The following SVEP1 variants were observed in gnomAD, a reference collection of about 807,000 sequenced individuals.
SVEP1 encodes the protein sushi, von Willebrand factor type A, EGF and pentraxin domain-containing protein 1.
A neutral mutation model predicts 367.3 loss-of-function variants in SVEP1; 164 were observed. The observed-to-expected ratio is 0.45, with a 90% CI of 0.39 to 0.51. SVEP1 has a LOEUF of 0.51. Ranked by LOEUF, SVEP1 falls within the 20% of genes least tolerant of loss-of-function variation. The pLI, the probability that SVEP1 is intolerant of heterozygous loss-of-function variation, is 0.00. For missense variants in SVEP1, 4,117 were observed against 4,425.3 expected, an observed-to-expected ratio of 0.93 and a Z score of 1.98; for synonymous variants, 1,666 against 1,611.6, an observed-to-expected ratio of 1.03 and a Z score of -0.81.
At chr9:110,547,820 G>A (rs756162651) in intron 2 of SVEP1, among the ~76,000 whole-genome samples, 1 of 152,100 alleles carries the variant, frequency 6.6e-6, no homozygotes, top group Non-Finnish European at 1.5e-5. Flanking sequence ...CCTTTGATCT[G>A]ATCATGTCTT....
chr9:110,515,127 G>A (rs78909934), intron 3 of SVEP1, among the ~76,000 whole-genome samples: 1 of 152,046 alleles, frequency 6.6e-6, no homozygotes, highest in East Asian at 1.9e-4. Flanking sequence ...AATCCCTCTG[G>A]AGTTATGCAT....
At chr9:110,576,324 A>C (rs1830626798) in intron 1 of SVEP1, among the ~76,000 whole-genome samples, 1 of 152,104 alleles carries the variant, frequency 6.6e-6, no homozygotes, top group Non-Finnish European at 1.5e-5. Context: ...TATGTTCCTT[A>C]TTTTGGAAAG....
intron 43 of SVEP1, among the ~76,000 whole-genome samples, chr9:110,379,946 ATGCCTAGCATTTATTAG>A (rs1420281539): frequency 6.6e-6 from 1 of 152,214 alleles, no homozygotes; most frequent in Non-Finnish European, 1.5e-5. Context: ...TATTTTATTA[ATGCCTAGCATTTATTAG>A]TGCCTAGCAT....
intron 3 of SVEP1, 117 bp downstream of exon 3, chr9:110,545,998 C>T: frequency 1.6e-6 from 2 of 1,260,868 alleles, no homozygotes; most frequent in Non-Finnish European, 2.2e-6. Flanking sequence ...AAGAGATGTG[C>T]CACTGACCCC....
chr9:110,510,887 C>T (rs1437692444), intron 5 of SVEP1, among the ~76,000 whole-genome samples: 2 of 152,188 alleles, frequency 1.3e-5, no homozygotes, highest in Non-Finnish European at 2.9e-5. Context: ...TGGTATGTGG[C>T]TTTTTACCAC....
At chr9:110,511,235 G>A (rs1343821548) in intron 5 of SVEP1, among the ~76,000 whole-genome samples, 1 of 152,096 alleles carries the variant, frequency 6.6e-6, no homozygotes, top group Non-Finnish European at 1.5e-5. Flanking sequence ...CAAGATTTGG[G>A]TTGTGAGTAT....
At chr9:110,375,550 G>T in intron 45 of SVEP1, 87 bp from the exon 46 acceptor site, 1 of 1,240,984 alleles carries the variant, frequency 8.1e-7, no homozygotes, top group Non-Finnish European at 1.1e-6. Flanking sequence ...AGGTTCAAGG[G>T]TTCAGAAAAC....
intron 40 of SVEP1, among the ~76,000 whole-genome samples, chr9:110,392,881 C>A (rs115738887): frequency 6.6e-6 from 1 of 152,092 alleles, no homozygotes; most frequent in African/African-American, 2.4e-5. Context: ...TGAATACTTT[C>A]GATGTGTAGT....
intron 22 of SVEP1, among the ~76,000 whole-genome samples, chr9:110,451,628 C>T (rs113291676): frequency 0.028 from 4,301 of 152,202 alleles, 211 homozygotes; most frequent in African/African-American, 0.097. Context: ...ATGATAACCA[C>T]GAATATCTGA....
At chr9:110,541,864 C>T (rs963353059) in intron 3 of SVEP1, among the ~76,000 whole-genome samples, 1 of 137,212 alleles carries the variant, frequency 7.3e-6, no homozygotes, top group Admixed American at 7.4e-5. Flanking sequence ...TATCTATATA[C>T]ATAGATATCT....
At position 110,459,040 on chromosome 9, in the gene SVEP1, T is replaced by A; in HGVS notation, c.3396A>T (p.Gln1132His). 6.2e-7 allele frequency: 1 copy of A among 1,613,806 alleles called. No individual in the cohort carries two copies. The highest frequency in any genetic ancestry group is 8.5e-7 in the Non-Finnish European group (1 of 1,179,770). Residue 1132 changes from glutamine (Q) to histidine (H), a missense_variant, in exon 19 of 48, where the codon CAA becomes CAT. Physicochemically the swap from Gln to His is conservative, Grantham distance 24. Transcript: ENST00000374469. Reference protein sequence around the residue: ...PCHPCPRDYYQPNAGKAFCLA... With the variant: ...PCHPCPRDYYHPNAGKAFCLA... ...GGCAGAAGGCCTTCCCTGCATTAGG[T>A]TGGTAATAGTCACGAGGACATGGGT...
chr9:110,429,386 C>A, intron 34 of SVEP1, 52 bp from the exon 35 acceptor site: 2 of 1,305,718 alleles, frequency 1.5e-6, no homozygotes, highest in South Asian at 1.9e-5. Context: ...ATTTTGCATG[C>A]CGTTATCTGT....
Position 110,527,832 on chromosome 9 carries a change from G to GT in SVEP1, c.965-13727dup, listed in dbSNP as rs550367423. The stretch of plus-strand genomic sequence containing the variant: ...ACAATTATAAAAAACTACTAGGTAG[G>GT]TTTTTTTATCCCTCACTCCCCTCCC... On this transcript the variant is annotated intron_variant, in intron 3 of 47. Coordinates refer to ENST00000374469, the MANE Select transcript of SVEP1 (RefSeq NM_153366.4). Among the ~76,000 whole-genome samples, 276 of 151,400 alleles carry GT rather than the reference G, an allele frequency of 1.8e-3. 2 individuals are homozygous for GT. The highest frequency in any genetic ancestry group is 6.3e-3 in the African/African-American group (261 of 41,314).
At position 110,479,630 on chromosome 9, in the gene SVEP1, T is replaced by C. The variant is rs1286284942; in HGVS notation, c.2487+5A>G. ...ACACACAATAAATGACCACTATTGA[T>C]GTACCATTTTTCCCAGGGTCGTCTC... is the stretch of plus-strand genomic sequence containing the variant. On this transcript the variant is annotated splice_donor_5th_base_variant and intron_variant, in intron 13 of 47. Coordinates refer to ENST00000374469, the MANE Select transcript of SVEP1 (RefSeq NM_153366.4). The C allele has an allele frequency of 5.6e-6, 9 of 1,602,370 alleles. No homozygotes were observed. The highest frequency in any genetic ancestry group is 1.1e-5 in the South Asian group (1 of 88,566).
chr9:110,500,179 A>AT (rs940914804), intron 6 of SVEP1, among the ~76,000 whole-genome samples: 21 of 151,958 alleles, frequency 1.4e-4, no homozygotes, highest in Admixed American at 3.9e-4. Context: ...AGCAAAAGCC[A>AT]TTTTTTTTCC....
Position 110,403,296 on chromosome 9 carries a change from G to GTTTTTTTTTTTTTTTTTT in SVEP1, c.9666+1013_9666+1030dup. 1.3e-3 allele frequency among the ~76,000 whole-genome samples: 58 copies of GTTTTTTTTTTTTTTTTTT among 43,462 alleles called. 20 individuals carry two copies. The highest frequency in any genetic ancestry group is 4.8e-3 in the East Asian group (7 of 1,462). 28.5% of individuals were successfully genotyped at this position (43,462 alleles called of 152,430 possible). Reference sequence around the variant, plus strand: ...TGATGATTCCTTCCCCGCCACCGCCGTTTTTTTTTTTTTTTTTTTTTTTTT... The same window carrying GTTTTTTTTTTTTTTTTTT: ...TGATGATTCCTTCCCCGCCACCGCCGTTTTTTTTTTTTTTTTTTTTTTTTTTTTTTTTTTTTTTTTTTT... On this transcript the variant is annotated intron_variant, in intron 39 of 47. Coordinates refer to ENST00000374469, the MANE Select transcript of SVEP1 (RefSeq NM_153366.4).
At chr9:110,537,323 TG>T (rs1830091412) in intron 3 of SVEP1, among the ~76,000 whole-genome samples, 1 of 152,006 alleles carries the variant, frequency 6.6e-6, no homozygotes, top group Non-Finnish European at 1.5e-5. Context: ...CATGGATACA[TG>T]AACTAATTAA....
intron 9 of SVEP1, among the ~76,000 whole-genome samples, chr9:110,489,303 G>T (rs967122498): frequency 6.6e-6 from 1 of 152,108 alleles, no homozygotes; most frequent in Non-Finnish European, 1.5e-5. Flanking sequence ...TTCTCATGCT[G>T]CTAATAAAGA....
At chr9:110,447,375 G>A (rs1050328129) in intron 24 of SVEP1, among the ~76,000 whole-genome samples, 2 of 152,132 alleles carry the variant, frequency 1.3e-5, no homozygotes, top group Non-Finnish European at 2.9e-5. Context: ...TGTTCTAAAG[G>A]CTTTTATATG....
Sources: gnomAD v4.1 joint callset for allele counts (sites outside exome capture counted in the v4.1 genomes callset) on GRCh38, gnomAD v4.1.1 for gene constraint, MANE v1.5 for transcripts, NCBI Gene and HGNC (gene_info 2026-07-23, HGNC 2026-07-21) for gene names.